CSMD1: variants seen among roughly 807,000 people sequenced by gnomAD.
CSMD1 encodes the protein CUB and sushi domain-containing protein 1.
Under a neutral mutation model 417.5 loss-of-function variants are expected in CSMD1, and 213 were observed. The ratio of observed to expected loss-of-function variants is 0.51; its 90% CI spans 0.46 to 0.57. CSMD1 has a LOEUF of 0.57. CSMD1 is among the 20% of genes least tolerant of loss of function. The pLI, the probability that CSMD1 is intolerant of heterozygous loss-of-function variation, is 0.00. For missense variants in CSMD1, 6,923 were observed against 4,529.7 expected (o/e 1.53, Z -15.17); for synonymous variants, 2,862 against 1,736.8 (o/e 1.65, Z -16.11).
chr8:4,642,160 C>A (rs774674921), intron 1 of CSMD1, among the ~76,000 whole-genome samples: 3 of 152,146 alleles, frequency 2.0e-5, no homozygotes, highest in Admixed American at 2.0e-4. Context: ...CGGCAAGGAG[C>A]CTATAGGACT....
chr8:4,705,501 G>C (rs566396990), intron 1 of CSMD1, among the ~76,000 whole-genome samples: 75 of 152,250 alleles, frequency 4.9e-4, no homozygotes, highest in African/African-American at 1.7e-3. Context: ...TCCTCTCCAA[G>C]AAAAGGAAAC....
At chr8:4,887,298 CTT>C (rs1235977922) in intron 1 of CSMD1, among the ~76,000 whole-genome samples, 1 of 151,990 alleles carries the variant, frequency 6.6e-6, no homozygotes, top group Non-Finnish European at 1.5e-5. Context: ...CTACTAGAGG[CTT>C]TTAACTCAAT....
intron 7 of CSMD1, among the ~76,000 whole-genome samples, chr8:3,675,441 A>G (rs1585057025): frequency 6.6e-6 from 1 of 152,330 alleles, no homozygotes; most frequent in East Asian, 1.9e-4. Flanking sequence ...GGATGGAAAG[A>G]CCAAAAATCC....
chr8:4,010,904 A>G (rs551500709), intron 4 of CSMD1, among the ~76,000 whole-genome samples: 1 of 152,290 alleles, frequency 6.6e-6, no homozygotes, highest in African/African-American at 2.4e-5. Flanking sequence ...TGAAAGGTCT[A>G]ACTTTACATA....
intron 37 of CSMD1, among the ~76,000 whole-genome samples, chr8:3,175,506 TG>T (rs1234952664): frequency 0.022 from 2,403 of 110,056 alleles, 64 homozygotes; most frequent in African/African-American, 0.069. Context: ...CCTGCCTGCC[TG>T]CCTTTTTTCC....
At chr8:4,778,119 A>G (rs1796963277) in intron 1 of CSMD1, among the ~76,000 whole-genome samples, 1 of 152,194 alleles carries the variant, frequency 6.6e-6, no homozygotes, top group Admixed American at 6.5e-5. Context: ...CATATAAAAT[A>G]CAGTTTATGT....
chr8:4,182,985 C>T (rs574430377), intron 3 of CSMD1, among the ~76,000 whole-genome samples: 1 of 152,034 alleles, frequency 6.6e-6, no homozygotes, highest in Non-Finnish European at 1.5e-5. Flanking sequence ...AAGGAAGGAT[C>T]AAAGTCTTTC....
chr8:4,734,796 G>C (rs560899649), intron 1 of CSMD1, among the ~76,000 whole-genome samples: 2 of 152,190 alleles, frequency 1.3e-5, no homozygotes, highest in South Asian at 2.1e-4. Flanking sequence ...TCATTTTTAA[G>C]ACCTCTCAAG....
At chr8:4,545,836 C>T (rs568751501) in intron 2 of CSMD1, among the ~76,000 whole-genome samples, 1 of 152,230 alleles carries the variant, frequency 6.6e-6, no homozygotes, top group African/African-American at 2.4e-5. Context: ...ACACAGGAGA[C>T]AGTTTCTAGG....
At chr8:3,054,795 G>C (rs1563286624) in intron 49 of CSMD1, among the ~76,000 whole-genome samples, 1 of 152,164 alleles carries the variant, frequency 6.6e-6, no homozygotes, top group Non-Finnish European at 1.5e-5. Context: ...CAGACATAAA[G>C]GCATCATTTG....
At chr8:4,317,264 G>A (rs1196875502) in intron 3 of CSMD1, among the ~76,000 whole-genome samples, 1 of 152,110 alleles carries the variant, frequency 6.6e-6, no homozygotes, top group Non-Finnish European at 1.5e-5. Flanking sequence ...TACTATGTAT[G>A]ATTTTAAAAG....
intron 7 of CSMD1, among the ~76,000 whole-genome samples, chr8:3,649,607 T>C (rs2449202): frequency 0.61 from 93,175 of 151,928 alleles, 29,096 homozygotes; most frequent in African/African-American, 0.72. Flanking sequence ...GTAGATCTTA[T>C]GAGAACTTAC....
At chr8:4,905,439 TAA>T (rs1221247806) in intron 1 of CSMD1, among the ~76,000 whole-genome samples, 2 of 152,084 alleles carry the variant, frequency 1.3e-5, no homozygotes, top group African/African-American at 4.8e-5. Context: ...GTACACATAG[TAA>T]AAGACTCTCA....
chr8:3,904,466 C>T (rs748963087), intron 5 of CSMD1, among the ~76,000 whole-genome samples: 29 of 152,132 alleles, frequency 1.9e-4, no homozygotes, highest in Admixed American at 1.6e-3. Context: ...TCAGTAAATG[C>T]ACATTTGGCC....
chr8:3,296,797 G>T (rs1291749584), intron 25 of CSMD1, among the ~76,000 whole-genome samples: 1 of 152,142 alleles, frequency 6.6e-6, no homozygotes, highest in African/African-American at 2.4e-5. Flanking sequence ...AGTGAACTGA[G>T]AAACGGTGCA....
chr8:4,269,990 T>G (rs922606546), intron 3 of CSMD1, among the ~76,000 whole-genome samples: 21 of 152,268 alleles, frequency 1.4e-4, no homozygotes, highest in African/African-American at 3.8e-4. Flanking sequence ...GACCTGAGCT[T>G]GGGGCCATAT....
chr8:3,333,543 A>G (rs1479538807), intron 23 of CSMD1, among the ~76,000 whole-genome samples: 1 of 152,258 alleles, frequency 6.6e-6, no homozygotes, highest in African/African-American at 2.4e-5. Flanking sequence ...ACTGCAATTT[A>G]CAAACTACAC....
intron 47 of CSMD1, among the ~76,000 whole-genome samples, chr8:3,094,269 C>T (rs1436812471): frequency 1.3e-5 from 2 of 152,000 alleles, no homozygotes; most frequent in Non-Finnish European, 2.9e-5. Flanking sequence ...CCGCGCCCAG[C>T]TAACTTTTGT....
chr8:3,267,830 C>G lies in CSMD1; in HGVS notation c.4153+16314G>C, dbSNP rs1404567120. 1.1e-4 allele frequency among the ~76,000 whole-genome samples: 16 copies of G among 152,174 alleles called. No homozygotes were observed. In the East Asian group the frequency reaches 3.1e-3, roughly 30 times the overall value. On this transcript the variant is annotated intron_variant, in intron 26 of 69. Coordinates refer to ENST00000635120, the MANE Select transcript of CSMD1 (RefSeq NM_033225.6). ...CGGGGCTGATGTCACCCAGCTGGGC[C>G]AACCATTGACGGGATGTGCAGGACC...
Sources: allele counts gnomAD v4.1 joint callset (sites outside exome capture counted in the v4.1 genomes callset), GRCh38; gene constraint gnomAD v4.1.1; transcripts MANE v1.5; gene names NCBI Gene and HGNC (gene_info 2026-07-23, HGNC 2026-07-21).